Variants in FEZ1 observed in about 807,000 individuals in gnomAD.
FEZ1 encodes fasciculation and elongation protein zeta-1.
A neutral mutation model predicts 49.3 loss-of-function variants in FEZ1; 20 were observed. That is an observed-to-expected ratio of 0.41 (90% CI 0.29 to 0.59). FEZ1 has a LOEUF of 0.59. Ranked by LOEUF, FEZ1 falls within the 20% of genes least tolerant of loss-of-function variation. The pLI is 0.36. For missense variants in FEZ1, 413 were observed against 476.0 expected (o/e 0.87, Z 1.23); for synonymous variants, 170 against 180.9 (o/e 0.94, Z 0.48).
chr11:125,460,965 C>T (rs1957068874), intron 4 of FEZ1, among the ~76,000 whole-genome samples: 1 of 152,152 alleles, frequency 6.6e-6, no homozygotes, highest in Non-Finnish European at 1.5e-5. Context: ...TGGAAGGGAA[C>T]ATTTACTTCA....
chr11:125,486,799 A>C (rs894605008), intron 2 of FEZ1, among the ~76,000 whole-genome samples: 5 of 152,220 alleles, frequency 3.3e-5, no homozygotes, highest in African/African-American at 1.2e-4. Context: ...GTCAGGTGAG[A>C]TATTAAGTCA....
At chr11:125,481,706 C>A in intron 2 of FEZ1, 73 bp from the exon 3 acceptor site, 1 of 1,043,488 alleles carries the variant, frequency 9.6e-7, no homozygotes, top group Non-Finnish European at 1.5e-6. Flanking sequence ...AAGAGCTGGG[C>A]CGGGAGAGGA....
At chr11:125,449,183 C>G (rs1956926205) in intron 8 of FEZ1, among the ~76,000 whole-genome samples, 1 of 151,206 alleles carries the variant, frequency 6.6e-6, no homozygotes, top group Non-Finnish European at 1.5e-5. Context: ...CTGAGACTTA[C>G]AGGCACGTGC....
rs1367241478 is a variant in FEZ1 at position 125,493,497 on chromosome 11, AG to A, written c.-46+2623del. On this transcript the variant is annotated intron_variant, in intron 1 of 9. Transcript: ENST00000278919. The stretch of plus-strand genomic sequence containing the variant: ...AGGAAAGAAGGAAAGAAGGAAAGAA[AG>A]AAAGAAAGAGAGAAAGAAAGAAAGA... 2.2e-5 allele frequency among the ~76,000 whole-genome samples: 2 copies of A among 90,320 alleles called. 1 individual carries two copies. Among genetic ancestry groups the A allele is most frequent in the African/African-American group, 9.5e-5 (2 of 21,014 alleles). The allele number at this position is 90,320 out of a possible 152,430, so 59.3% of individuals were successfully genotyped here.
In FEZ1 at chr11:125,489,388, A is replaced by G; in HGVS notation, c.311+79T>C. 6.6e-7 allele frequency: 1 copy of G among 1,523,752 alleles called. No homozygotes were observed. The highest frequency in any genetic ancestry group is 8.8e-7 in the Non-Finnish European group (1 of 1,139,726). 94.4% of individuals were successfully genotyped at this position (1,523,752 alleles called of 1,614,324 possible). On this transcript the variant is annotated intron_variant, in intron 2 of 9. Transcript: ENST00000278919. This position sits in a 1 kb window ranked among gnomAD's most constrained non-coding sequence, Gnocchi z 4.2. Reference sequence around the variant, plus strand: ...AGTAATAGCCCATAAACCTATAGACAGAAACCAGCACTATGTCAAGGAGAC... The same window carrying G: ...AGTAATAGCCCATAAACCTATAGACGGAAACCAGCACTATGTCAAGGAGAC...
At chr11:125,477,974 A>G (rs1332412689) in intron 3 of FEZ1, among the ~76,000 whole-genome samples, 1 of 152,236 alleles carries the variant, frequency 6.6e-6, no homozygotes. Context: ...CTTACAGTGC[A>G]TTACTTTCAA....
At chr11:125,462,017 A>G (rs1320599297) in intron 4 of FEZ1, among the ~76,000 whole-genome samples, 1 of 152,228 alleles carries the variant, frequency 6.6e-6, no homozygotes, top group Non-Finnish European at 1.5e-5. Context: ...ATATCATTGA[A>G]TTGTAGATCC....
intron 8 of FEZ1, among the ~76,000 whole-genome samples, chr11:125,450,144 C>T (rs904504005): frequency 2.6e-5 from 4 of 151,958 alleles, no homozygotes; most frequent in African/African-American, 9.7e-5. Context: ...TCTCCTGCCT[C>T]AGCCTCCCAA....
Position 125,494,090 on chromosome 11 carries a change from G to T in FEZ1, c.-46+2031C>A, listed in dbSNP as rs140973528. ...AAACAGTCCATAATATAGACTGATT[G>T]TTTTTTGTCAACTCATTATCCAAGA... On this transcript the variant is annotated intron_variant, in intron 1 of 9. Coordinates refer to ENST00000278919, the MANE Select transcript of FEZ1 (RefSeq NM_005103.5). 2.3e-3 allele frequency among the ~76,000 whole-genome samples: 344 copies of T among 152,352 alleles called. 6 individuals are homozygous for T. Among genetic ancestry groups the T allele is most frequent in the Admixed American group, 0.02 (306 of 15,296 alleles).
intron 3 of FEZ1, among the ~76,000 whole-genome samples, chr11:125,480,988 G>A (rs1402545342): frequency 6.6e-6 from 1 of 151,404 alleles, no homozygotes; most frequent in Non-Finnish European, 1.5e-5. Flanking sequence ...GCAGTGAGCC[G>A]AGATCGTGCC....
chr11:125,457,888 A>G (rs1182850440), intron 5 of FEZ1, among the ~76,000 whole-genome samples: 2 of 151,970 alleles, frequency 1.3e-5, no homozygotes, highest in Non-Finnish European at 2.9e-5. Flanking sequence ...TTGCCCGGAT[A>G]TTTGCTGACT....
At chr11:125,464,498 C>T (rs1957106810) in intron 3 of FEZ1, among the ~76,000 whole-genome samples, 1 of 152,176 alleles carries the variant, frequency 6.6e-6, no homozygotes, top group South Asian at 2.1e-4. Context: ...GGAATGAATC[C>T]TCCTTGCGCT....
chr11:125,446,454 T>C (rs1393331031), intron 9 of FEZ1, among the ~76,000 whole-genome samples: 2 of 152,220 alleles, frequency 1.3e-5, no homozygotes, highest in East Asian at 3.8e-4. Flanking sequence ...TGGCAAGTGC[T>C]GAGTAAATAT....
intron 3 of FEZ1, among the ~76,000 whole-genome samples, chr11:125,467,696 C>T (rs944875725): frequency 5.3e-5 from 8 of 152,084 alleles, no homozygotes; most frequent in Non-Finnish European, 1.0e-4. Flanking sequence ...CAAAATTAGC[C>T]AGGCATGGTG....
At chr11:125,480,384 T>C (rs1438577715) in intron 3 of FEZ1, among the ~76,000 whole-genome samples, 1 of 152,042 alleles carries the variant, frequency 6.6e-6, no homozygotes, top group Non-Finnish European at 1.5e-5. Flanking sequence ...AGACCCTGTC[T>C]GAGAAAAAAA....
At chr11:125,484,573 C>A (rs1315005891) in intron 2 of FEZ1, among the ~76,000 whole-genome samples, 2 of 150,894 alleles carry the variant, frequency 1.3e-5, no homozygotes, top group Non-Finnish European at 2.9e-5. Context: ...GAGGCTGAGG[C>A]AGGAGAATCA....
chr11:125,492,075 G>A (rs1346962058), intron 1 of FEZ1, among the ~76,000 whole-genome samples: 3 of 152,170 alleles, frequency 2.0e-5, no homozygotes, highest in Non-Finnish European at 1.5e-5. Context: ...TATCCAAAGT[G>A]TTACCATTTC....
chr11:125,462,102 G>A (rs914237481), intron 4 of FEZ1, among the ~76,000 whole-genome samples: 3 of 152,204 alleles, frequency 2.0e-5, no homozygotes, highest in South Asian at 4.1e-4. Flanking sequence ...TAATCCTCAC[G>A]TGTTTCAATT....
intron 3 of FEZ1, among the ~76,000 whole-genome samples, chr11:125,475,983 T>C (rs1957228643): frequency 1.3e-5 from 2 of 152,234 alleles, no homozygotes; most frequent in African/African-American, 4.8e-5. Context: ...AAATGAACTG[T>C]TGCTATACTT....
Sources: gnomAD v4.1 joint callset for allele counts (sites outside exome capture counted in the v4.1 genomes callset) on GRCh38, gnomAD v4.1.1 for gene constraint, Gnocchi (gnomAD v3.1) non-coding constraint, MANE v1.5 for transcripts, NCBI Gene and HGNC (gene_info 2026-07-23, HGNC 2026-07-21) for gene names.